The following ANKS1A variants were observed in gnomAD, a reference collection of about 807,000 sequenced individuals.
The protein encoded by ANKS1A is ankyrin repeat and SAM domain-containing protein 1A.
A neutral mutation model predicts 120.3 loss-of-function variants in ANKS1A; 55 were observed. That is an observed-to-expected ratio of 0.46 (90% CI 0.37 to 0.57). The LOEUF (loss-of-function observed/expected upper bound fraction) is 0.57. ANKS1A is among the 20% of genes least tolerant of loss of function. The pLI, the probability that ANKS1A is intolerant of heterozygous loss-of-function variation, is 0.00. For missense variants in ANKS1A, 1,123 were observed against 1,480.3 expected (o/e 0.76, Z 3.96); for synonymous variants, 590 against 604.7 (o/e 0.98, Z 0.36).
chr6:34,900,140 CAGA>C (rs1235721978), intron 1 of ANKS1A, among the ~76,000 whole-genome samples: 1 of 152,172 alleles, frequency 6.6e-6, no homozygotes, highest in Non-Finnish European at 1.5e-5. Context: ...TTCCATTTTA[CAGA>C]TGAAGAAGCA....
rs183313104 is a variant in ANKS1A, at chr6:35,038,162, T to C, written c.2011-15937T>C. Reference sequence around the variant, plus strand: ...TCTAACTCCAACCCGCACCCCCATCTTGTCCTACTGTTGTTTTCCATTTTC... The same window carrying C: ...TCTAACTCCAACCCGCACCCCCATCCTGTCCTACTGTTGTTTTCCATTTTC... On this transcript the variant is annotated intron_variant, in intron 11 of 23. Transcript: ENST00000360359. 7 of 456,618 alleles carry C rather than the reference T, an allele frequency of 1.5e-5. No homozygotes were observed. In the East Asian group the frequency reaches 4.9e-4, roughly 32 times the overall value. 28.3% of individuals were successfully genotyped at this position (456,618 alleles called of 1,614,324 possible).
At chr6:35,097,424 G>A in the ANKS1A span, among the ~76,000 whole-genome samples, 3 of 151,560 alleles carry the variant, frequency 2.0e-5, no homozygotes, top group Non-Finnish European at 2.9e-5. Context: ...CGGGAGAATC[G>A]CTTGAACCCA....
intron 1 of ANKS1A, among the ~76,000 whole-genome samples, chr6:34,930,506 C>T (rs1303990278): frequency 6.6e-6 from 1 of 152,136 alleles, no homozygotes; most frequent in Admixed American, 6.5e-5. Flanking sequence ...CTTCCAAATC[C>T]CAGGTTGCTT....
At chr6:35,068,633 C>T (rs1581729892) in intron 13 of ANKS1A, among the ~76,000 whole-genome samples, 1 of 152,230 alleles carries the variant, frequency 6.6e-6, no homozygotes, top group African/African-American at 2.4e-5. Context: ...AGGGTCCCTT[C>T]CCACAGTGCC....
chr6:35,071,526 G>A (rs1221300149), intron 13 of ANKS1A, among the ~76,000 whole-genome samples: 2 of 152,104 alleles, frequency 1.3e-5, no homozygotes, highest in Non-Finnish European at 2.9e-5. Flanking sequence ...TAATGAGGCA[G>A]GTCCAATGCC....
Position 34,981,719 on chromosome 6 carries a change from T to C in ANKS1A, c.465T>C (p.Cys155=). The C allele has an allele frequency of 1.9e-6, 3 of 1,614,200 alleles. No homozygotes were observed. Among genetic ancestry groups the C allele is most frequent in the African/African-American group, 2.7e-5 (2 of 75,028 alleles). Residue 155 remains cysteine (C), a synonymous_variant, in exon 4 of 24, where the codon TGT becomes TGC. Coordinates refer to ENST00000360359, the MANE Select transcript of ANKS1A (RefSeq NM_015245.3). ...QNNDNETALH[C]AAQYGHTEVV... is the part of the protein sequence containing the mutation. ...ATGACAACGAGACAGCCCTGCATTG[T>C]GCAGCGCAGTATGGCCACACAGAGG... is the stretch of plus-strand genomic sequence containing the variant.
chr6:34,898,917 C>T (rs116509380), intron 1 of ANKS1A, among the ~76,000 whole-genome samples: 2,068 of 152,090 alleles, frequency 0.014, 33 homozygotes, highest in Non-Finnish European at 0.016. Flanking sequence ...GTTTGTTTTT[C>T]GTTTTTTGCT....
rs995285475 is a variant in ANKS1A at position 34,895,780 on chromosome 6, CTTTTTT to C, written c.197+6201_197+6206del. Among the ~76,000 whole-genome samples, 765 of 90,360 alleles carry C rather than the reference CTTTTTT, an allele frequency of 8.5e-3. 2 individuals carry two copies. Among genetic ancestry groups the C allele is most frequent in the Non-Finnish European group, 0.013 (595 of 47,520 alleles). 59.3% of individuals were successfully genotyped at this position (90,360 alleles called of 152,430 possible). The stretch of plus-strand genomic sequence containing the variant: ...AAAATAGTTTTTCAAGAATGTCTTT[CTTTTTT>C]TTTTTTTTTTTTTTTTTTTCTGAGA... On this transcript the variant is annotated intron_variant, in intron 1 of 23. Coordinates refer to ENST00000360359, the MANE Select transcript of ANKS1A (RefSeq NM_015245.3).
chr6:34,954,217 C>A (rs958544997), intron 1 of ANKS1A, among the ~76,000 whole-genome samples: 5 of 152,174 alleles, frequency 3.3e-5, no homozygotes, highest in Non-Finnish European at 7.3e-5. Context: ...ATCCACCTTT[C>A]TGTTATGGGG....
At chr6:35,037,539 G>A (rs1775238246) in intron 11 of ANKS1A, among the ~76,000 whole-genome samples, 1 of 152,224 alleles carries the variant, frequency 6.6e-6, no homozygotes, top group Admixed American at 6.5e-5. Context: ...CCCTTGGGCC[G>A]TGGCCTGCTG....
chr6:34,972,079 C>T (rs1462999552), intron 3 of ANKS1A, among the ~76,000 whole-genome samples: 1 of 152,182 alleles, frequency 6.6e-6, no homozygotes, highest in Non-Finnish European at 1.5e-5. Context: ...ACTGGTCATC[C>T]ATTAAAGTCC....
chr6:35,021,475 A>G (rs897992957), intron 11 of ANKS1A, among the ~76,000 whole-genome samples: 1 of 152,166 alleles, frequency 6.6e-6, no homozygotes, highest in Non-Finnish European at 1.5e-5. Context: ...TGCATGGACT[A>G]CCTCAGTAAG....
chr6:35,041,877 T>C (rs527606598), intron 11 of ANKS1A, among the ~76,000 whole-genome samples: 1 of 152,312 alleles, frequency 6.6e-6, no homozygotes, highest in African/African-American at 2.4e-5. Context: ...TGGGCTACTT[T>C]GAGGACATCA....
chr6:35,073,465 G>A (rs1209511252), intron 13 of ANKS1A, among the ~76,000 whole-genome samples: 2 of 152,210 alleles, frequency 1.3e-5, no homozygotes, highest in African/African-American at 4.8e-5. Context: ...AGGACAGGGG[G>A]AGGCCCAGAT....
intron 9 of ANKS1A, among the ~76,000 whole-genome samples, chr6:34,992,480 C>A (rs1418325014): frequency 2.0e-5 from 3 of 152,138 alleles, no homozygotes; most frequent in Non-Finnish European, 4.4e-5. Context: ...GGAAGCATGC[C>A]GGAGGCTATA....
chr6:34,994,256 G>A (rs1162797521), intron 9 of ANKS1A, 46 bp from the exon 10 acceptor site: 1 of 1,600,704 alleles, frequency 6.2e-7, no homozygotes, highest in Non-Finnish European at 8.5e-7. Flanking sequence ...GCCTGTCTTG[G>A]TATTAGCCAC....
rs34644591 is a variant in ANKS1A at position 34,987,186 on chromosome 6, T to C, written c.1209+1908T>C. 3.3e-3 allele frequency among the ~76,000 whole-genome samples: 504 copies of C among 152,318 alleles called. 3 individuals are homozygous for C. Among genetic ancestry groups the C allele is most frequent in the African/African-American group, 6.9e-3 (287 of 41,564 alleles). On this transcript the variant is annotated intron_variant, in intron 8 of 23. Coordinates refer to ENST00000360359, the MANE Select transcript of ANKS1A (RefSeq NM_015245.3). ...CTATGGCAAAGGGCCTGTTTACCTC[T>C]TGGTAAACACAATGGATGGTATGTG...
At position 34,982,594 on chromosome 6, in the gene ANKS1A, T is replaced by TTCTTGTG. The variant is rs1162952685; in HGVS notation, c.733-157_733-156insCTTGTGT. Among the ~76,000 whole-genome samples, 8 of 152,198 alleles carry TTCTTGTG rather than the reference T, an allele frequency of 5.3e-5. No individual in the cohort carries two copies. Among genetic ancestry groups the TTCTTGTG allele is most frequent in the African/African-American group, 1.9e-4 (8 of 41,450 alleles). On this transcript the variant is annotated intron_variant, in intron 4 of 23. Coordinates refer to ENST00000360359, the MANE Select transcript of ANKS1A (RefSeq NM_015245.3). The surrounding 1 kb of genome is among the most constrained non-coding windows in gnomAD (Gnocchi z 4.9). ...TGGTGTATGGGCCATGATCGTGGTTTTGGAATCCACACAAGAAAAGCTGGA... is the reference window on the plus strand; with the variant it reads ...TGGTGTATGGGCCATGATCGTGGTTTTCTTGTGTGGAATCCACACAAGAAAAGCTGGA...
At chr6:35,039,093 G>GT (rs1453714218) in intron 11 of ANKS1A, among the ~76,000 whole-genome samples, 110 of 42,120 alleles carry the variant, frequency 2.6e-3, no homozygotes, top group African/African-American at 5.9e-3. Flanking sequence ...TGTGTGTGTG[G>GT]GGGGGGGTTA....
Sources: allele counts gnomAD v4.1 joint callset (sites outside exome capture counted in the v4.1 genomes callset), GRCh38; gene constraint gnomAD v4.1.1; non-coding constraint Gnocchi (gnomAD v3.1); transcripts MANE v1.5; gene names NCBI Gene and HGNC (gene_info 2026-07-23, HGNC 2026-07-21).